Variants in LEF1 observed in about 807,000 individuals in gnomAD.
The protein encoded by LEF1 is lymphoid enhancer-binding factor 1.
A neutral mutation model predicts 51.2 loss-of-function variants in LEF1; 14 were observed. That is an observed-to-expected ratio of 0.27 (90% CI 0.18 to 0.43). The LOEUF is 0.43. LEF1 is among the 20% of genes least tolerant of loss of function. LEF1 has a pLI of 1.00. For synonymous variants in LEF1, 185 were observed against 183.2 expected (o/e 1.01, Z -0.08); for missense variants, 386 against 512.0 (o/e 0.75, Z 2.37).
intron 3 of LEF1, among the ~76,000 whole-genome samples, chr4:108,157,527 C>G (rs1248217000): frequency 1.3e-5 from 2 of 152,166 alleles, no homozygotes; most frequent in Non-Finnish European, 2.9e-5. Context: ...ATCTGCAAAA[C>G]TGTCATCAAG....
intron 3 of LEF1, among the ~76,000 whole-genome samples, chr4:108,128,938 T>G (rs762263452): frequency 4.6e-5 from 7 of 152,292 alleles, no homozygotes; most frequent in Admixed American, 1.3e-4. Flanking sequence ...ATCAAATAAA[T>G]ATTATTACAG....
chr4:108,071,382 C>A (rs2126275831), intron 8 of LEF1, among the ~76,000 whole-genome samples: 1 of 152,330 alleles, frequency 6.6e-6, no homozygotes, highest in South Asian at 2.1e-4. Context: ...ACTGATGACA[C>A]TGTCCAGTCA....
At chr4:108,087,835 C>T (rs937923337) in intron 4 of LEF1, among the ~76,000 whole-genome samples, 2 of 152,172 alleles carry the variant, frequency 1.3e-5, no homozygotes, top group African/African-American at 2.4e-5. Flanking sequence ...AAATTCACCA[C>T]GACCAAGACT....
chr4:108,075,180 A>G (rs1332321072), intron 8 of LEF1, among the ~76,000 whole-genome samples: 1 of 152,180 alleles, frequency 6.6e-6, no homozygotes, highest in African/African-American at 2.4e-5. Context: ...CAGGACACCA[A>G]AAAAGCTATA....
In LEF1 at chr4:108,168,475, G is replaced by T. The variant is rs528087030; in HGVS notation, c.-708C>A. On this transcript the variant is annotated 5_prime_UTR_variant, in exon 1 of 12. Coordinates refer to ENST00000265165, the MANE Select transcript of LEF1 (RefSeq NM_016269.5). The surrounding 1 kb of genome is among the most constrained non-coding windows in gnomAD (Gnocchi z 4.6). ...TTTCTTCTCGAGGCTCATTTAATCT[G>T]CTAGAGAAGGAGGAGGAGCAGAAGA... is the stretch of plus-strand genomic sequence containing the variant. The T allele has an allele frequency of 1.3e-5, 2 of 152,278 alleles. No homozygotes were observed. Among genetic ancestry groups the T allele is most frequent in the Admixed American group, 6.5e-5 (1 of 15,286 alleles). The allele number at this position is 152,278 out of a possible 1,614,324, so 9.4% of individuals were successfully genotyped here. A position where few individuals can be genotyped will look rare whatever the true frequency, so the allele number is the denominator to read the frequency against.
chr4:108,096,952 G>A (rs191180744), intron 3 of LEF1, among the ~76,000 whole-genome samples: 62 of 152,288 alleles, frequency 4.1e-4, no homozygotes, highest in African/African-American at 1.3e-3. Flanking sequence ...GAATGGTGGC[G>A]TGGGTATAAA....
At chr4:108,161,939 T>C (rs1266399473) in intron 3 of LEF1, among the ~76,000 whole-genome samples, 1 of 152,078 alleles carries the variant, frequency 6.6e-6, no homozygotes, top group African/African-American at 2.4e-5. Flanking sequence ...CCTTCCCTTC[T>C]CCACCCCCTC....
At chr4:108,051,906 C>T (rs973207768) in intron 11 of LEF1, among the ~76,000 whole-genome samples, 9 of 152,088 alleles carry the variant, frequency 5.9e-5, no homozygotes, top group Admixed American at 5.2e-4. Context: ...TCAACAGCAC[C>T]GACCCTGGGC....
At chr4:108,058,601 T>C (rs947989591) in intron 11 of LEF1, among the ~76,000 whole-genome samples, 5 of 152,220 alleles carry the variant, frequency 3.3e-5, no homozygotes, top group African/African-American at 9.6e-5. Flanking sequence ...GCTCGAGTGC[T>C]ATCTACCACA....
At chr4:108,056,925 C>A (rs1052094216) in intron 11 of LEF1, among the ~76,000 whole-genome samples, 31 of 145,874 alleles carry the variant, frequency 2.1e-4, no homozygotes, top group African/African-American at 5.6e-4. Context: ...AAAAAAAAAA[C>A]CACTGCAGGC....
At chr4:108,087,632 G>A (rs1033503869) in intron 4 of LEF1, among the ~76,000 whole-genome samples, 3 of 152,162 alleles carry the variant, frequency 2.0e-5, no homozygotes, top group Non-Finnish European at 4.4e-5. Context: ...TTTTTAAAGA[G>A]TTAATGTTTC....
chr4:108,055,447 A>G (rs1737253561), intron 11 of LEF1, among the ~76,000 whole-genome samples: 1 of 152,188 alleles, frequency 6.6e-6, no homozygotes, highest in East Asian at 1.9e-4. Context: ...TTGCATCCAA[A>G]AGTGCTTTGA....
chr4:108,082,507 G>T (rs1026299751), intron 5 of LEF1, among the ~76,000 whole-genome samples: 3 of 152,160 alleles, frequency 2.0e-5, no homozygotes, highest in Non-Finnish European at 1.5e-5. Context: ...GGATGTCCAG[G>T]TAGGGAGATG....
At chr4:108,147,241 T>A (rs1483446723) in intron 3 of LEF1, among the ~76,000 whole-genome samples, 4 of 152,082 alleles carry the variant, frequency 2.6e-5, no homozygotes, top group Non-Finnish European at 4.4e-5. Flanking sequence ...TACCACGAGA[T>A]TAGCAACAAT....
chr4:108,110,521 A>G lies in LEF1; in HGVS notation c.415-21264T>C, dbSNP rs113976867. On this transcript the variant is annotated intron_variant, in intron 3 of 11. Transcript: ENST00000265165. ...ACAATGGAGCTTTTTTCCCCACTAA[A>G]GAGACAGACATATCAATGTTCTTTC... Among the ~76,000 whole-genome samples the G allele has an allele frequency of 3.6e-3, 551 of 152,312 alleles. 1 individual carries two copies. The highest frequency in any genetic ancestry group is 6.2e-3 in the Non-Finnish European group (422 of 68,032).
chr4:108,134,723 A>C (rs1460907906), intron 3 of LEF1, among the ~76,000 whole-genome samples: 2 of 152,260 alleles, frequency 1.3e-5, no homozygotes, highest in Non-Finnish European at 2.9e-5. Flanking sequence ...ATGAAGTAGG[A>C]GGTAACATCG....
At chr4:108,090,477 C>G (rs1356872626) in intron 3 of LEF1, among the ~76,000 whole-genome samples, 1 of 152,064 alleles carries the variant, frequency 6.6e-6, no homozygotes, top group Non-Finnish European at 1.5e-5. Context: ...TTGTTCCCCC[C>G]AACCCAAAAG....
At chr4:108,164,264 C>T (rs966180855) in intron 2 of LEF1, among the ~76,000 whole-genome samples, 3 of 152,030 alleles carry the variant, frequency 2.0e-5, no homozygotes, top group African/African-American at 7.2e-5. Context: ...ATGTGCTACA[C>T]TTAGATCATT....
chr4:108,154,361 C>T (rs2110402145), intron 3 of LEF1, among the ~76,000 whole-genome samples: 1 of 149,482 alleles, frequency 6.7e-6, no homozygotes, highest in African/African-American at 2.5e-5. Context: ...GTATAACACT[C>T]ACCCCAGTTT....
Sources: allele counts gnomAD v4.1 joint callset (sites outside exome capture counted in the v4.1 genomes callset), GRCh38; gene constraint gnomAD v4.1.1; non-coding constraint Gnocchi (gnomAD v3.1); transcripts MANE v1.5; gene names NCBI Gene and HGNC (gene_info 2026-07-23, HGNC 2026-07-21).